ANKRD30B: variants seen among roughly 807,000 people sequenced by gnomAD.
The protein encoded by ANKRD30B is ankyrin repeat domain-containing protein 30B.
ANKRD30B carries 144 observed loss-of-function variants against 202.2 expected under a neutral mutation model. The observed-to-expected ratio is 0.71, with a 90% CI of 0.62 to 0.82. The LOEUF is 0.82. Ranked by LOEUF, ANKRD30B falls within the 40% of genes least tolerant of loss-of-function variation. The probability of loss-of-function intolerance (pLI) is 0.00; values close to 1 mark genes in which losing one functional copy is unlikely to be tolerated. For synonymous variants in ANKRD30B, 508 were observed against 561.3 expected, an observed-to-expected ratio of 0.91 and a Z score of 1.34; for missense variants, 1,487 against 1,669.1, an observed-to-expected ratio of 0.89 and a Z score of 1.90.
At chr18:14,920,439 G>A in the ANKRD30B span, among the ~76,000 whole-genome samples, 3 of 152,148 alleles carry the variant, frequency 2.0e-5, no homozygotes, top group East Asian at 1.9e-4. Flanking sequence ...TCACCATAGA[G>A]TCACTATAGT....
intron 3 of ANKRD30B, among the ~76,000 whole-genome samples, 170 bp from the exon 4 acceptor site, chr18:14,754,729 G>A (rs1914054515): frequency 6.6e-6 from 1 of 152,042 alleles, no homozygotes; most frequent in African/African-American, 2.4e-5. Context: ...TACAAGGGAA[G>A]GTGCAGTGCA....
Position 14,755,001 on chromosome 18 carries a change from A to G in ANKRD30B, c.613A>G (p.Lys205Glu). The G allele has an allele frequency of 1.3e-6, 2 of 1,497,306 alleles. No individual in the cohort carries two copies. Among genetic ancestry groups the G allele is most frequent in the Non-Finnish European group, 1.8e-6 (2 of 1,121,694 alleles). The allele number at this position is 1,497,306 out of a possible 1,614,324, so 92.8% of individuals were successfully genotyped here. A position where few individuals can be genotyped will look rare whatever the true frequency, so the allele number is the denominator to read the frequency against. Residue 205 changes from lysine to glutamate, a missense_variant, in exon 4 of 44, where the codon AAA (lysine) becomes GAA (glutamate). Lys to Glu is a moderately conservative substitution (Grantham distance 56). Coordinates refer to ENST00000690538, the MANE Select transcript of ANKRD30B (RefSeq NM_001367607.2). ...NANANAFNES[K>E]CTALMLAICE... ...AAATGCAAACGCATTTAATGAGTCT[A>G]AATGGTATGGTAGTTCTTTTTTTTT...
chr18:14,797,710 A>G, intron 19 of ANKRD30B, 21 bp downstream of exon 19: 2 of 1,608,946 alleles, frequency 1.2e-6, no homozygotes, highest in Non-Finnish European at 1.7e-6. Context: ...TTATGTCTCT[A>G]TCTTGAATAT....
At chr18:14,880,859 A>T in the ANKRD30B span, among the ~76,000 whole-genome samples, 2 of 149,784 alleles carry the variant, frequency 1.3e-5, no homozygotes, top group Non-Finnish European at 3.0e-5. Flanking sequence ...TGTAAAAGGG[A>T]TTGAGTTCTT....
chr18:14,819,482 T>A (rs1970296319), intron 30 of ANKRD30B, among the ~76,000 whole-genome samples: 1 of 151,854 alleles, frequency 6.6e-6, no homozygotes, highest in African/African-American at 2.4e-5. Flanking sequence ...CTTCTAGGGT[T>A]TTTATGGTTT....
intron 16 of ANKRD30B, among the ~76,000 whole-genome samples, chr18:14,792,722 G>A (rs1406731897): frequency 1.2e-5 from 1 of 85,064 alleles, no homozygotes; most frequent in African/African-American, 4.3e-5. Flanking sequence ...ATTACTATGA[G>A]GCATCAAATA....
chr18:14,848,991 T>A (rs959603997), intron 40 of ANKRD30B, 62 bp downstream of exon 40: 1 of 1,361,104 alleles, frequency 7.3e-7, no homozygotes, highest in African/African-American at 1.5e-5. Context: ...TGTAGGATAC[T>A]TTTTGTAAAA....
At chr18:14,791,594 C>CA in intron 16 of ANKRD30B, 103 bp downstream of exon 16, 1 of 857,602 alleles carries the variant, frequency 1.2e-6, no homozygotes, top group Non-Finnish European at 1.8e-6. Context: ...CTCCTTAATG[C>CA]AAAGCACAGA....
chr18:14,819,812 G>C (rs971338489), intron 30 of ANKRD30B, among the ~76,000 whole-genome samples: 14 of 152,110 alleles, frequency 9.2e-5, no homozygotes, highest in African/African-American at 3.4e-4. Context: ...CTCCAGCTTT[G>C]TTCTTTTGGC....
intron 28 of ANKRD30B, among the ~76,000 whole-genome samples, chr18:14,811,697 C>G (rs1245973673): frequency 1.4e-5 from 1 of 72,772 alleles, no homozygotes. Context: ...TGACAACATT[C>G]TGTTTTGATC....
At position 14,757,876 on chromosome 18, in the gene ANKRD30B, C is replaced by A. The variant is rs773650524; in HGVS notation, c.679C>A (p.Gln227Lys). ...SSEIVGMLLQ[Q>K]NVDVFAEDIH... Reference sequence around the variant, plus strand: ...AGAGATAGTCGGCATGCTTCTTCAGCAAAATGTTGACGTCTTTGCTGAAGA... The same window carrying A: ...AGAGATAGTCGGCATGCTTCTTCAGAAAAATGTTGACGTCTTTGCTGAAGA... Residue 227 changes from glutamine (Q) to lysine (K), a missense_variant, in exon 5 of 44, where the codon CAA becomes AAA. Physicochemically the swap from Gln to Lys is moderately conservative, Grantham distance 53. This residue lies in a region of ANKRD30B where 889 missense variants were observed against 841.4 expected (regional missense o/e 1.06). Coordinates refer to ENST00000690538, the MANE Select transcript of ANKRD30B (RefSeq NM_001367607.2). 6.2e-7 allele frequency: 1 copy of A among 1,613,652 alleles called. No homozygotes were observed. Among genetic ancestry groups the A allele is most frequent in the South Asian group, 1.1e-5 (1 of 91,072 alleles).
the ANKRD30B span, among the ~76,000 whole-genome samples, chr18:14,927,207 A>G: frequency 1.3e-5 from 2 of 152,186 alleles, no homozygotes; most frequent in African/African-American, 4.8e-5. Flanking sequence ...CCTTTGTACA[A>G]TTATTGCAAA....
At chr18:14,808,883 A>G (rs1969728403) in intron 26 of ANKRD30B, 139 bp downstream of exon 26, 3 of 785,418 alleles carry the variant, frequency 3.8e-6, no homozygotes, top group South Asian at 2.2e-5. Context: ...AAATGTTAGT[A>G]TTTATGTTTG....
the ANKRD30B span, among the ~76,000 whole-genome samples, chr18:14,877,070 G>A: frequency 6.6e-6 from 1 of 152,242 alleles, no homozygotes; most frequent in South Asian, 2.1e-4. Context: ...AGAGCCAGCA[G>A]TCTCTTCTTT....
intron 7 of ANKRD30B, 148 bp from the exon 8 acceptor site, chr18:14,769,195 C>G: frequency 1.8e-6 from 1 of 543,974 alleles, no homozygotes; most frequent in Non-Finnish European, 3.3e-6. Context: ...TTTCAGACTC[C>G]TGGGCTCCTC....
Position 14,824,317 on chromosome 18 carries a change from A to C in ANKRD30B, c.2743+1640A>C, listed in dbSNP as rs115453373. ...TTTACTGCTTCAACTAATATTAGAAATTAAAATGAAAATATTTAAAATACT... is the reference window on the plus strand; with the variant it reads ...TTTACTGCTTCAACTAATATTAGAACTTAAAATGAAAATATTTAAAATACT... On this transcript the variant is annotated intron_variant, in intron 32 of 43. Coordinates refer to ENST00000690538, the MANE Select transcript of ANKRD30B (RefSeq NM_001367607.2). Among the ~76,000 whole-genome samples the C allele has an allele frequency of 7.5e-3, 1,146 of 152,320 alleles. 11 individuals carry two copies. Among genetic ancestry groups the C allele is most frequent in the African/African-American group, 0.026 (1,085 of 41,574 alleles).
intron 22 of ANKRD30B, among the ~76,000 whole-genome samples, chr18:14,800,046 C>A: frequency 6.6e-6 from 1 of 151,706 alleles, no homozygotes; most frequent in Non-Finnish European, 1.5e-5. Flanking sequence ...GCCTGGTCAA[C>A]ACAGTGAAAC....
At chr18:14,784,633 T>A in intron 14 of ANKRD30B, 98 bp downstream of exon 14, 1 of 1,335,714 alleles carries the variant, frequency 7.5e-7, no homozygotes, top group Non-Finnish European at 1.0e-6. Context: ...TTAACTTTGA[T>A]GAAAAGATTT....
chr18:14,881,458 TTGA>T, the ANKRD30B span, among the ~76,000 whole-genome samples: 1 of 152,220 alleles, frequency 6.6e-6, no homozygotes, highest in African/African-American at 2.4e-5. Context: ...GATTATCTTT[TTGA>T]TATGTTGTTG....
Sources: allele counts gnomAD v4.1 joint callset (sites outside exome capture counted in the v4.1 genomes callset), GRCh38; gene constraint gnomAD v4.1.1; regional missense constraint gnomAD v4.1.1; transcripts MANE v1.5; gene names NCBI Gene and HGNC (gene_info 2026-07-23, HGNC 2026-07-21).